ECD: variants seen among roughly 807,000 people sequenced by gnomAD.
ECD encodes protein ecdysoneless homolog.
ECD carries 59 observed loss-of-function variants against 77.2 expected under a neutral mutation model. The ratio of observed to expected loss-of-function variants is 0.76; its 90% CI spans 0.62 to 0.95. The LOEUF (loss-of-function observed/expected upper bound fraction) is 0.95, where lower values mean the gene tolerates loss of function less well. Ranked by LOEUF, ECD falls within the 40% of genes least tolerant of loss-of-function variation. The probability of loss-of-function intolerance (pLI) is 0.00; values close to 1 mark genes in which losing one functional copy is unlikely to be tolerated. For missense variants in ECD, 704 were observed against 763.4 expected (o/e 0.92, Z 0.92); for synonymous variants, 233 against 267.4 (o/e 0.87, Z 1.26).
chr10:73,160,338 A>T (rs1487723086), intron 3 of ECD, 96 bp downstream of exon 3: 2 of 798,406 alleles, frequency 2.5e-6, no homozygotes, highest in Non-Finnish European at 3.8e-6. Context: ...TTTCCAGCAG[A>T]CTACAGGAGA....
At position 73,156,648 on chromosome 10, in the gene ECD, C is replaced by A. The variant is rs138942541; in HGVS notation, c.331G>T (p.Asp111Tyr). ...EFPELVARIEDNDGEFLLIEA... is the reference protein window; with the variant it reads ...EFPELVARIEYNDGEFLLIEA... Reference sequence around the variant, plus strand: ...ATTAACAAGAATTCACCATCATTGTCTTCAATCCTAATGCAAGAAAATTTC... The same window carrying A: ...ATTAACAAGAATTCACCATCATTGTATTCAATCCTAATGCAAGAAAATTTC... Residue 111 changes from aspartate to tyrosine, a missense_variant, in exon 4 of 14, where the codon GAC becomes TAC. Transcript: ENST00000372979. 3.8e-4 allele frequency: 607 copies of A among 1,613,332 alleles called. No homozygotes were observed. Among genetic ancestry groups the A allele is most frequent in the Non-Finnish European group, 4.8e-4 (569 of 1,179,992 alleles).
chr10:73,134,634 C>T lies in ECD; in HGVS notation c.1884G>A (p.Gln628=). The part of the protein sequence containing the change: ...ASNLLQSMGV[Q]LPDNTDHRPT... Reference sequence around the variant, plus strand: ...GTCTGTGATCGGTGTTGTCAGGCAGCTGCACTCCCATGCTTTGTAAAAGAT... The same window carrying T: ...GTCTGTGATCGGTGTTGTCAGGCAGTTGCACTCCCATGCTTTGTAAAAGAT... Residue 628 remains glutamine (Q), a synonymous_variant, in exon 14 of 14, where the codon CAG becomes CAA. Coordinates refer to ENST00000372979, the MANE Select transcript of ECD (RefSeq NM_007265.3). 1.9e-6 allele frequency: 3 copies of T among 1,614,194 alleles called. No homozygotes were observed. Among genetic ancestry groups the T allele is most frequent in the Non-Finnish European group, 2.5e-6 (3 of 1,180,030 alleles).
At chr10:73,145,657 C>CTTTTT (rs748175828) in intron 9 of ECD, among the ~76,000 whole-genome samples, 8 of 124,128 alleles carry the variant, frequency 6.4e-5, no homozygotes, top group African/African-American at 9.5e-5. Flanking sequence ...TATTGTGCAG[C>CTTTTT]TTTTTTTTTT....
Position 73,156,378 on chromosome 10 carries a change from T to C in ECD, c.487A>G (p.Thr163Ala), listed in dbSNP as rs1843296787. The C allele has an allele frequency of 6.2e-7, 1 of 1,613,698 alleles. No homozygotes were observed. The change falls in exon 5 of 14, where the codon ACA becomes GCA. Residue 163 changes from threonine to alanine, a missense_variant. Physicochemically the swap from Thr to Ala is moderately conservative, Grantham distance 58. Coordinates refer to ENST00000372979, the MANE Select transcript of ECD (RefSeq NM_007265.3). The stretch of plus-strand genomic sequence containing the variant: ...AATGCTTGTGGAATTGTTGGGGGTG[T>C]GGTGGGTAACCAAGATTCTGCTCCA... The part of the protein sequence containing the change: ...KSGAESWLPT[T>A]PPTIPQALNI...
chr10:73,142,099 C>A (rs1843064967), intron 9 of ECD, among the ~76,000 whole-genome samples: 1 of 152,118 alleles, frequency 6.6e-6, no homozygotes, highest in Non-Finnish European at 1.5e-5. Context: ...CAGGCATTAG[C>A]CACTGTGCCT....
At position 73,134,572 on chromosome 10, in the gene ECD, A is replaced by T; in HGVS notation, c.*11T>A. The T allele has an allele frequency of 1.2e-6, 2 of 1,606,286 alleles. No individual in the cohort carries two copies. Among genetic ancestry groups the T allele is most frequent in the Non-Finnish European group, 1.7e-6 (2 of 1,173,518 alleles). On this transcript the variant is annotated 3_prime_UTR_variant, in exon 14 of 14. Transcript: ENST00000372979. ...TATTTAAAAAGAAAAAAGAGAAGCTAAATGTGCTGGTTAATTTTTTGTTGG... is the reference window on the plus strand; with the variant it reads ...TATTTAAAAAGAAAAAAGAGAAGCTTAATGTGCTGGTTAATTTTTTGTTGG...
chr10:73,140,931 CATATA>C (rs1471232455), intron 9 of ECD, among the ~76,000 whole-genome samples: 2 of 151,102 alleles, frequency 1.3e-5, no homozygotes, highest in African/African-American at 2.4e-5. Context: ...TAAAAATATA[CATATA>C]ATATATATTT....
chr10:73,148,032 T>C (rs1443389262), intron 8 of ECD, among the ~76,000 whole-genome samples: 1 of 152,252 alleles, frequency 6.6e-6, no homozygotes, highest in African/African-American at 2.4e-5. Context: ...CAAGTTGTTT[T>C]ATCTGGTACA....
At chr10:73,165,659 A>G (rs956686634) in intron 1 of ECD, among the ~76,000 whole-genome samples, 1 of 151,408 alleles carries the variant, frequency 6.6e-6, no homozygotes, top group East Asian at 1.9e-4. Flanking sequence ...GTAGGTGTAT[A>G]TATTTATGGG....
chr10:73,141,339 T>TAAA (rs749192454), intron 9 of ECD: 6,913 of 94,854 alleles, frequency 0.073, 366 homozygotes, highest in East Asian at 0.29. Flanking sequence ...CCGTCTCTAC[T>TAAA]AAAAAAAAAA....
At chr10:73,143,272 G>A (rs1017357884) in intron 9 of ECD, among the ~76,000 whole-genome samples, 6 of 152,270 alleles carry the variant, frequency 3.9e-5, no homozygotes, top group East Asian at 1.9e-4. Context: ...GGGTTCATGC[G>A]ATTCTCCTGC....
intron 13 of ECD, among the ~76,000 whole-genome samples, chr10:73,135,111 C>A (rs1419654800): frequency 6.6e-6 from 1 of 152,074 alleles, no homozygotes; most frequent in Non-Finnish European, 1.5e-5. Context: ...TAAGAAGGTA[C>A]ATTTATAACT....
chr10:73,160,027 G>A (rs866332210), intron 3 of ECD, among the ~76,000 whole-genome samples: 56 of 151,458 alleles, frequency 3.7e-4, no homozygotes, highest in Non-Finnish European at 6.0e-4. Flanking sequence ...GCTTACGCCT[G>A]TATTCCCAGC....
Position 73,156,330 on chromosome 10 carries a change from C to T in ECD, c.535G>A (p.Glu179Lys), listed in dbSNP as rs1181372011. ...QALNIITAHS[E>K]KILASESIRA... Reference sequence around the variant, plus strand: ...ATAGATTCTGAAGCAAGTATTTTTTCTGAATGTGCTGTGATTATATTCAAT... The same window carrying T: ...ATAGATTCTGAAGCAAGTATTTTTTTTGAATGTGCTGTGATTATATTCAAT... Residue 179 changes from glutamate (E) to lysine (K), a missense_variant, in exon 5 of 14, where the codon GAA becomes AAA. Glu to Lys is a moderately conservative substitution (Grantham distance 56). This residue lies in a region of ECD where 559 missense variants were observed against 583.7 expected (regional missense o/e 0.96). Coordinates refer to ENST00000372979, the MANE Select transcript of ECD (RefSeq NM_007265.3). 1 of 1,610,474 alleles carries T rather than the reference C, an allele frequency of 6.2e-7. No individual in the cohort carries two copies. Among genetic ancestry groups the T allele is most frequent in the Non-Finnish European group, 8.5e-7 (1 of 1,179,082 alleles).
At chr10:73,154,524 T>C in intron 5 of ECD, 76 bp from the exon 6 acceptor site, 1 of 1,354,664 alleles carries the variant, frequency 7.4e-7, no homozygotes, top group Non-Finnish European at 9.8e-7. Flanking sequence ...CACATTCTTT[T>C]TGACATCTCT....
chr10:73,139,334 T>G lies in ECD; in HGVS notation c.1396A>C (p.Thr466Pro). 6.2e-7 allele frequency: 1 copy of G among 1,614,012 alleles called. No individual in the cohort carries two copies. Among genetic ancestry groups the G allele is most frequent in the Non-Finnish European group, 8.5e-7 (1 of 1,179,990 alleles). The change falls in exon 11 of 14, where the codon ACC (threonine) becomes CCC (proline). Residue 466 changes from threonine to proline, a missense_variant. Coordinates refer to ENST00000372979, the MANE Select transcript of ECD (RefSeq NM_007265.3). ...CGAGGCAGCTCTGCTCCCTTGTGGG[T>G]TGAGACTTTGGATATGAAAGCTTTC... is the stretch of plus-strand genomic sequence containing the variant. ...SMKAFISKVS[T>P]HKGAELPREP...
At chr10:73,139,847 G>GTTTTTTTTTTTTTTTTTTTTTTT (rs199551005) in intron 9 of ECD, 110 bp from the exon 10 acceptor site, 1 of 495,436 alleles carries the variant, frequency 2.0e-6, no homozygotes. Flanking sequence ...AATTTGGGGA[G>GTTTTTTTTTTTTTTTTTTTTTTT]TGTTTTTTTT....
At chr10:73,164,458 A>AT (rs1002181151) in intron 1 of ECD, among the ~76,000 whole-genome samples, 1 of 152,028 alleles carries the variant, frequency 6.6e-6, no homozygotes, top group African/African-American at 2.4e-5. Flanking sequence ...TATTTATTTA[A>AT]TTTTTTTAAA....
At chr10:73,165,699 A>G (rs555878560) in intron 1 of ECD, among the ~76,000 whole-genome samples, 1 of 151,974 alleles carries the variant, frequency 6.6e-6, no homozygotes, top group Non-Finnish European at 1.5e-5. Flanking sequence ...ACAGGTATAC[A>G]ATGCATAATA....
Sources: gnomAD v4.1 joint callset for allele counts (sites outside exome capture counted in the v4.1 genomes callset) on GRCh38, gnomAD v4.1.1 for gene constraint, gnomAD v4.1.1 regional missense constraint, MANE v1.5 for transcripts, NCBI Gene and HGNC (gene_info 2026-07-23, HGNC 2026-07-21) for gene names.